The following ZBTB38 variants were observed in gnomAD, a reference collection of about 807,000 sequenced individuals.
The protein encoded by ZBTB38 is zinc finger and BTB domain-containing protein 38.
In ZBTB38, 20 loss-of-function variants were observed where a neutral mutation model predicts 76.8. That is an observed-to-expected ratio of 0.26 (90% CI 0.18 to 0.38). The LOEUF is 0.38. ZBTB38 is among the 10% of genes least tolerant of loss of function. The pLI is 1.00. For missense variants in ZBTB38, 1,082 were observed against 1,482.3 expected (o/e 0.73, Z 4.43); for synonymous variants, 504 against 544.2 (o/e 0.93, Z 1.03).
At chr3:141,357,563 T>C (rs916426065) in intron 1 of ZBTB38, among the ~76,000 whole-genome samples, 1 of 152,228 alleles carries the variant, frequency 6.6e-6, no homozygotes, top group African/African-American at 2.4e-5. Context: ...GAAGTCTCGC[T>C]CTGTTGCCCA....
rs191120361 is a variant in ZBTB38, at chr3:141,430,812, G to A, written c.1-11577G>A. On this transcript the variant is annotated intron_variant, in intron 5 of 5. Transcript: ENST00000321464. The stretch of plus-strand genomic sequence containing the variant: ...AATGTAAACGGCTCTTCCCTGTGCC[G>A]TCCCCCAGAGGTAGCAATCAACTGA... Among the ~76,000 whole-genome samples, 412 of 152,204 alleles carry A rather than the reference G, an allele frequency of 2.7e-3. 3 individuals carry two copies. Among genetic ancestry groups the A allele is most frequent in the Non-Finnish European group, 4.9e-3 (335 of 68,008 alleles).
chr3:141,384,233 C>T (rs1055828386), intron 3 of ZBTB38, among the ~76,000 whole-genome samples: 2 of 152,208 alleles, frequency 1.3e-5, no homozygotes, highest in Admixed American at 6.5e-5. Context: ...GGAAACTGCC[C>T]TGGCATCTGG....
At chr3:141,402,235 C>T (rs1391746548) in intron 4 of ZBTB38, 1 of 152,108 alleles carries the variant, frequency 6.6e-6, no homozygotes, top group Non-Finnish European at 1.5e-5. Flanking sequence ...CCGCAGTTAC[C>T]CCAGCCCCGG....
At chr3:141,429,415 C>T (rs1386120618) in intron 5 of ZBTB38, among the ~76,000 whole-genome samples, 1 of 151,894 alleles carries the variant, frequency 6.6e-6, no homozygotes, top group Non-Finnish European at 1.5e-5. Flanking sequence ...TTTTGGGGAT[C>T]GTGAGTGCAG....
At chr3:141,347,101 T>C (rs559407989) in intron 1 of ZBTB38, among the ~76,000 whole-genome samples, 3 of 152,152 alleles carry the variant, frequency 2.0e-5, no homozygotes, top group Non-Finnish European at 4.4e-5. Context: ...GTTGTCACTG[T>C]TTCAAACGCC....
intron 5 of ZBTB38, among the ~76,000 whole-genome samples, chr3:141,408,674 A>G (rs1955535201): frequency 6.6e-6 from 1 of 152,276 alleles, no homozygotes; most frequent in South Asian, 2.1e-4. Flanking sequence ...TGGAAAGTAT[A>G]AAACATTTGA....
intron 5 of ZBTB38, among the ~76,000 whole-genome samples, chr3:141,411,437 G>A (rs543746534): frequency 2.0e-5 from 3 of 152,302 alleles, no homozygotes; most frequent in Admixed American, 1.3e-4. Context: ...ATGCTCTTTC[G>A]TGGAAGAGAT....
rs1334431403 is a variant in ZBTB38, at chr3:141,447,388, C to T, written c.*1412C>T. 2 of 152,570 alleles carry T rather than the reference C, an allele frequency of 1.3e-5. No individual in the cohort carries two copies. The highest frequency in any genetic ancestry group is 4.8e-5 in the African/African-American group (2 of 41,426). The allele number at this position is 152,570 out of a possible 1,614,324, so 9.5% of individuals were successfully genotyped here. A position where few individuals can be genotyped will look rare whatever the true frequency, so the allele number is the denominator to read the frequency against. On this transcript the variant is annotated 3_prime_UTR_variant, in exon 6 of 6. Coordinates refer to ENST00000321464, the MANE Select transcript of ZBTB38 (RefSeq NM_001376113.1). Reference sequence around the variant, plus strand: ...GACATCTAGACCCCTTGCTAAAAACCCACTGAAGTTTTTTTTTTATGTTCT... The same window carrying T: ...GACATCTAGACCCCTTGCTAAAAACTCACTGAAGTTTTTTTTTTATGTTCT...
chr3:141,371,192 G>A (rs1944552648), intron 2 of ZBTB38, among the ~76,000 whole-genome samples: 1 of 150,886 alleles, frequency 6.6e-6, no homozygotes, highest in Non-Finnish European at 1.5e-5. Context: ...AGCTGGGACT[G>A]CAGGCACGCA....
intron 1 of ZBTB38, among the ~76,000 whole-genome samples, chr3:141,326,876 G>A (rs1422748882): frequency 1.3e-5 from 2 of 152,160 alleles, no homozygotes; most frequent in African/African-American, 4.8e-5. Context: ...GCTCGTTTGT[G>A]GCACCAGTAG....
At chr3:141,371,338 A>G (rs1944579291) in intron 2 of ZBTB38, among the ~76,000 whole-genome samples, 1 of 150,106 alleles carries the variant, frequency 6.7e-6, no homozygotes, top group South Asian at 2.1e-4. Context: ...GACATGAGCC[A>G]TAGCGCCCAG....
At chr3:141,417,777 G>T (rs1203440736) in intron 5 of ZBTB38, among the ~76,000 whole-genome samples, 1 of 152,138 alleles carries the variant, frequency 6.6e-6, no homozygotes, top group African/African-American at 2.4e-5. Context: ...AGCACTTTGG[G>T]AGTCTAAGCA....
chr3:141,326,375 G>A (rs1942675867), intron 1 of ZBTB38, among the ~76,000 whole-genome samples: 1 of 152,206 alleles, frequency 6.6e-6, no homozygotes, highest in South Asian at 2.1e-4. Flanking sequence ...TTGCCTCCTT[G>A]CTCCTCCCAA....
chr3:141,389,533 T>C (rs1031281358), intron 4 of ZBTB38: 4 of 151,536 alleles, frequency 2.6e-5, no homozygotes, highest in African/African-American at 7.3e-5. Context: ...TTGAATATAG[T>C]ATCAATCAGA....
At chr3:141,422,628 G>A (rs1407407561) in intron 5 of ZBTB38, among the ~76,000 whole-genome samples, 2 of 152,118 alleles carry the variant, frequency 1.3e-5, no homozygotes, top group Non-Finnish European at 2.9e-5. Flanking sequence ...ACGGGAAGGG[G>A]CAACGTTTAG....
intron 1 of ZBTB38, among the ~76,000 whole-genome samples, chr3:141,369,447 A>G (rs1334331018): frequency 1.3e-5 from 2 of 152,222 alleles, no homozygotes; most frequent in African/African-American, 2.4e-5. Context: ...TGTCTGTTTT[A>G]ACTTTGTCTA....
chr3:141,395,455 G>A (rs1251511679), intron 4 of ZBTB38, among the ~76,000 whole-genome samples: 3 of 152,154 alleles, frequency 2.0e-5, no homozygotes, highest in Non-Finnish European at 4.4e-5. Flanking sequence ...TAGTGCAGGA[G>A]CCAGTCTAAA....
intron 1 of ZBTB38, among the ~76,000 whole-genome samples, chr3:141,343,920 T>G (rs1943266965): frequency 6.6e-6 from 1 of 152,152 alleles, no homozygotes; most frequent in African/African-American, 2.4e-5. Context: ...TTCTCAAACT[T>G]TTTCACCCAA....
chr3:141,381,115 CA>C (rs2149166946), intron 2 of ZBTB38, among the ~76,000 whole-genome samples: 1 of 152,238 alleles, frequency 6.6e-6, no homozygotes, highest in South Asian at 2.1e-4. Context: ...TGGTGCGTGA[CA>C]AGCAGTCATG....
Sources: gnomAD v4.1 joint callset for allele counts (sites outside exome capture counted in the v4.1 genomes callset) on GRCh38, gnomAD v4.1.1 for gene constraint, MANE v1.5 for transcripts, NCBI Gene and HGNC (gene_info 2026-07-23, HGNC 2026-07-21) for gene names.